The following ABCG4 variants were observed in gnomAD, a reference collection of about 807,000 sequenced individuals.
ABCG4 encodes the protein ATP binding cassette subfamily G member 4, also known as ATP-binding cassette sub-family G member 4.
ABCG4 carries 35 observed loss-of-function variants against 64.6 expected under a neutral mutation model. The ratio of observed to expected loss-of-function variants is 0.54; its 90% CI spans 0.41 to 0.72. The LOEUF is 0.72. Ranked by LOEUF, ABCG4 falls within the 30% of genes least tolerant of loss-of-function variation. ABCG4 has a pLI of 0.00. For synonymous variants in ABCG4, 326 were observed against 348.2 expected (o/e 0.94, Z 0.71); for missense variants, 610 against 846.3 (o/e 0.72, Z 3.46).
In ABCG4 at chr11:119,160,200, A is replaced by T; in HGVS notation, c.1438-27A>T. 3.2e-6 allele frequency: 5 copies of T among 1,586,748 alleles called. No homozygotes were observed. The highest frequency in any genetic ancestry group is 4.3e-6 in the Non-Finnish European group (5 of 1,159,366). ...CTGCTGTGCCCCTGGCTTGAAGTCC[A>T]CTGTCCAGCCCGTGCCCACTCCCCA... is the stretch of plus-strand genomic sequence containing the variant. On this transcript the variant is annotated intron_variant, in intron 12 of 14. Transcript: ENST00000619701. This position sits in a 1 kb window ranked among gnomAD's most constrained non-coding sequence, Gnocchi z 4.6.
chr11:119,153,457 G>T (rs149510277), intron 2 of ABCG4: 1 of 153,046 alleles, frequency 6.5e-6, no homozygotes, highest in African/African-American at 2.4e-5. Flanking sequence ...GAGAACTCAC[G>T]CTCGTGGAAC....
chr11:119,162,660 G>A (rs1156546547), downstream of ABCG4: 4 of 152,246 alleles, frequency 2.6e-5, no homozygotes, highest in Non-Finnish European at 1.5e-5. Context: ...AGTATGCAAT[G>A]TGTAAATGTG....
Position 119,149,796 on chromosome 11 carries a change from C to G in ABCG4, c.-12-158C>G. On this transcript the variant is annotated intron_variant, in intron 1 of 14. Coordinates refer to ENST00000619701, the MANE Select transcript of ABCG4 (RefSeq NM_022169.5). This position sits in a 1 kb window ranked among gnomAD's most constrained non-coding sequence, Gnocchi z 8.3. ...CTGCCCGGGACTGAGCGTCTCCGTGCGGAGAGTGGGGGGCGGGGGCAGAGT... is the reference window on the plus strand; with the variant it reads ...CTGCCCGGGACTGAGCGTCTCCGTGGGGAGAGTGGGGGGCGGGGGCAGAGT... The G allele has an allele frequency of 8.3e-7, 1 of 1,207,330 alleles. No individual in the cohort carries two copies. Among genetic ancestry groups the G allele is most frequent in the Non-Finnish European group, 1.1e-6 (1 of 890,166 alleles). 74.8% of individuals were successfully genotyped at this position (1,207,330 alleles called of 1,614,324 possible). A position where few individuals can be genotyped will look rare whatever the true frequency, so the allele number is the denominator to read the frequency against.
In ABCG4 at chr11:119,158,440, A is replaced by ATGTGCCTGTGGGGTCTC; in HGVS notation, c.1168-106_1168-90dup. 3 of 1,549,520 alleles carry ATGTGCCTGTGGGGTCTC rather than the reference A, an allele frequency of 1.9e-6. No individual in the cohort carries two copies. Among genetic ancestry groups the ATGTGCCTGTGGGGTCTC allele is most frequent in the Non-Finnish European group, 2.7e-6 (3 of 1,122,546 alleles). On this transcript the variant is annotated intron_variant, in intron 10 of 14. Transcript: ENST00000619701. The surrounding 1 kb of genome is among the most constrained non-coding windows in gnomAD (Gnocchi z 4.5). Reference sequence around the variant, plus strand: ...GGGGACCCTCCCTCACAGCCCTGCAATGTGCCTGTGGGGTCTCTGTGCCTG... The same window carrying ATGTGCCTGTGGGGTCTC: ...GGGGACCCTCCCTCACAGCCCTGCAATGTGCCTGTGGGGTCTCTGTGCCTGTGGGGTCTCTGTGCCTG...
chr11:119,161,471 C>A lies in ABCG4; in HGVS notation c.*365C>A. 1 of 193,806 alleles carries A rather than the reference C, an allele frequency of 5.2e-6. No homozygotes were observed. Among genetic ancestry groups the A allele is most frequent in the Non-Finnish European group, 1.1e-5 (1 of 92,956 alleles). 12.0% of individuals were successfully genotyped at this position (193,806 alleles called of 1,614,324 possible). A position where few individuals can be genotyped will look rare whatever the true frequency, so the allele number is the denominator to read the frequency against. ...AGGCTCTCTAGGGCCCCACTTACAA[C>A]TGACCAAAGTGGCCCCCTCTGGGGG... On this transcript the variant is annotated 3_prime_UTR_variant, in exon 15 of 15. Coordinates refer to ENST00000619701, the MANE Select transcript of ABCG4 (RefSeq NM_022169.5).
At chr11:119,153,980 C>G in intron 2 of ABCG4, 46 bp from the exon 3 acceptor site, 1 of 1,553,212 alleles carries the variant, frequency 6.4e-7, no homozygotes, top group Non-Finnish European at 8.9e-7. Flanking sequence ...GGGGGTACCT[C>G]TGTTCACTGC....
chr11:119,151,295 G>A (rs763974488), intron 2 of ABCG4, among the ~76,000 whole-genome samples: 1 of 152,172 alleles, frequency 6.6e-6, no homozygotes, highest in Non-Finnish European at 1.5e-5. Context: ...CTCTCCAGTT[G>A]CTTCCATGTG....
In ABCG4 at chr11:119,154,561, G is replaced by T. The variant is rs759849467; in HGVS notation, c.526G>T (p.Val176Leu). ...ANLKLSEKQE[V>L]KKELVTEILT... ...CCTGAAGCTGAGTGAGAAGCAGGAG[G>T]TGAAGAAGGAGCTGGTGAGTGGGGA... is the stretch of plus-strand genomic sequence containing the variant. Residue 176 changes from valine to leucine, a missense_variant, in exon 5 of 15, where the codon GTG (valine) becomes TTG (leucine). Val to Leu is a conservative substitution (Grantham distance 32). Coordinates refer to ENST00000619701, the MANE Select transcript of ABCG4 (RefSeq NM_022169.5). This position sits in a 1 kb window ranked among gnomAD's most constrained non-coding sequence, Gnocchi z 7.0. 6.2e-7 allele frequency: 1 copy of T among 1,613,580 alleles called. No homozygotes were observed. The highest frequency in any genetic ancestry group is 1.1e-5 in the South Asian group (1 of 91,014).
At position 119,156,025 on chromosome 11, in the gene ABCG4, CCAA is replaced by C. The variant is rs775417869; in HGVS notation, c.687-303_687-301del. The C allele has an allele frequency of 2.8e-6, 1 of 353,950 alleles. No homozygotes were observed. Among genetic ancestry groups the C allele is most frequent in the Non-Finnish European group, 5.3e-6 (1 of 187,522 alleles). The allele number at this position is 353,950 out of a possible 1,614,324, so 21.9% of individuals were successfully genotyped here. ...GTTGCTACAGCACTTTCCACATTAC[CCAA>C]AATCATCTGTGTGCTTGTCTCTCTC... On this transcript the variant is annotated intron_variant, in intron 6 of 14. Transcript: ENST00000619701. This position sits in a 1 kb window ranked among gnomAD's most constrained non-coding sequence, Gnocchi z 5.5.
In ABCG4 at chr11:119,156,038, T is replaced by C. The variant is rs1948259585; in HGVS notation, c.687-291T>C. 7.8e-6 allele frequency: 3 copies of C among 383,714 alleles called. No homozygotes were observed. Among genetic ancestry groups the C allele is most frequent in the Admixed American group, 8.1e-5 (2 of 24,654 alleles). The allele number at this position is 383,714 out of a possible 1,614,324, so 23.8% of individuals were successfully genotyped here. A position where few individuals can be genotyped will look rare whatever the true frequency, so the allele number is the denominator to read the frequency against. On this transcript the variant is annotated intron_variant, in intron 6 of 14. Coordinates refer to ENST00000619701, the MANE Select transcript of ABCG4 (RefSeq NM_022169.5). This position sits in a 1 kb window ranked among gnomAD's most constrained non-coding sequence, Gnocchi z 5.5. ...TTTCCACATTACCCAAAATCATCTG[T>C]GTGCTTGTCTCTCTCTCCTTCCAGA...
rs759467898 is a variant in ABCG4, at chr11:119,154,786, C to T, written c.557C>T (p.Thr186Met). 1.2e-5 allele frequency: 20 copies of T among 1,610,966 alleles called. No individual in the cohort carries two copies. The highest frequency in any genetic ancestry group is 5.5e-5 in the South Asian group (5 of 90,970). Residue 186 changes from threonine (T) to methionine (M), a missense_variant, in exon 6 of 15, where the codon ACG (threonine) becomes ATG (methionine). Coordinates refer to ENST00000619701, the MANE Select transcript of ABCG4 (RefSeq NM_022169.5). The surrounding 1 kb of genome is among the most constrained non-coding windows in gnomAD (Gnocchi z 7.0). ...TGGGGCCAGGTGACAGAGATCCTGA[C>T]GGCACTGGGCCTGATGTCGTGCTCC... is the stretch of plus-strand genomic sequence containing the variant. ...VKKELVTEIL[T>M]ALGLMSCSHT...
At chr11:119,153,236 C>G (rs1948214587) in intron 2 of ABCG4, 1 of 152,830 alleles carries the variant, frequency 6.5e-6, no homozygotes, top group Non-Finnish European at 1.5e-5. Context: ...GGTTAAGCAA[C>G]TTGCCCGAGG....
At position 119,161,252 on chromosome 11, in the gene ABCG4, C is replaced by T. The variant is rs963791920; in HGVS notation, c.*146C>T. ...CTTGGCTCCTCCACAGGCTGGCTGT[C>T]GGACTGCGCTCCCAGCCTGGGCTCT... is the stretch of plus-strand genomic sequence containing the variant. On this transcript the variant is annotated 3_prime_UTR_variant, in exon 15 of 15. Coordinates refer to ENST00000619701, the MANE Select transcript of ABCG4 (RefSeq NM_022169.5). 1.6e-4 allele frequency: 113 copies of T among 711,490 alleles called. 2 individuals are homozygous for T. In the South Asian group the frequency reaches 1.9e-3, roughly 12 times the overall value. The allele number at this position is 711,490 out of a possible 1,614,324, so 44.1% of individuals were successfully genotyped here. A position where few individuals can be genotyped will look rare whatever the true frequency, so the allele number is the denominator to read the frequency against.
chr11:119,160,549 T>A lies in ABCG4; in HGVS notation c.1608T>A (p.Phe536Leu). 6.2e-7 allele frequency: 1 copy of A among 1,611,004 alleles called. No homozygotes were observed. The highest frequency in any genetic ancestry group is 8.5e-7 in the Non-Finnish European group (1 of 1,179,908). Residue 536 changes from phenylalanine (F) to leucine (L), a missense_variant, in exon 14 of 15, where the codon TTT becomes TTA. Phe to Leu is a conservative substitution (Grantham distance 22, BLOSUM62 0). Coordinates refer to ENST00000619701, the MANE Select transcript of ABCG4 (RefSeq NM_022169.5). This position sits in a 1 kb window ranked among gnomAD's most constrained non-coding sequence, Gnocchi z 4.6. ...CCCTTCCCCTCTAGGTGGCCACTTT[T>A]GTGGGCCCAGTTACCGCCATCCCTG... ...AASNSLQVATFVGPVTAIPVL... is the reference protein window; with the variant it reads ...AASNSLQVATLVGPVTAIPVL...
Position 119,149,689 on chromosome 11 carries a change from G to A in ABCG4, c.-12-265G>A. Reference sequence around the variant, plus strand: ...TCCCCAGGGGCTGCTGGCCTGCGGGGTAAGGAGATTAGAGAAGCCGCCGGG... The same window carrying A: ...TCCCCAGGGGCTGCTGGCCTGCGGGATAAGGAGATTAGAGAAGCCGCCGGG... On this transcript the variant is annotated intron_variant, in intron 1 of 14. Coordinates refer to ENST00000619701, the MANE Select transcript of ABCG4 (RefSeq NM_022169.5). The surrounding 1 kb of genome is among the most constrained non-coding windows in gnomAD (Gnocchi z 8.3). 2 of 532,216 alleles carry A rather than the reference G, an allele frequency of 3.8e-6. No individual in the cohort carries two copies. Among genetic ancestry groups the A allele is most frequent in the Admixed American group, 3.2e-5 (1 of 31,562 alleles). 33.0% of individuals were successfully genotyped at this position (532,216 alleles called of 1,614,324 possible).
chr11:119,156,547 T>C lies in ABCG4; in HGVS notation c.811-17T>C, dbSNP rs769546546. ...CTGGCCCGCTGTTCCTTCCTTACCC[T>C]TCTCTTTCTGCTGCAGCTCTACATC... On this transcript the variant is annotated splice_polypyrimidine_tract_variant and intron_variant, in intron 7 of 14. Transcript: ENST00000619701. The surrounding 1 kb of genome is among the most constrained non-coding windows in gnomAD (Gnocchi z 5.5). The C allele has an allele frequency of 2.6e-5, 42 of 1,614,116 alleles. No individual in the cohort carries two copies. The highest frequency in any genetic ancestry group is 2.7e-5 in the Non-Finnish European group (32 of 1,179,994).
chr11:119,151,301 A>T (rs1398705818), intron 2 of ABCG4, among the ~76,000 whole-genome samples: 1 of 152,154 alleles, frequency 6.6e-6, no homozygotes, highest in Non-Finnish European at 1.5e-5. Context: ...AGTTGCTTCC[A>T]TGTGCCAGCC....
intron 2 of ABCG4, among the ~76,000 whole-genome samples, chr11:119,152,675 C>T (rs1948208180): frequency 1.3e-5 from 2 of 152,222 alleles, no homozygotes; most frequent in South Asian, 4.1e-4. Context: ...GTAGGCTCTG[C>T]CCTCTGTTCC....
intron 9 of ABCG4, among the ~76,000 whole-genome samples, chr11:119,157,491 AC>A (rs2135125800): frequency 6.6e-6 from 1 of 152,302 alleles, no homozygotes; most frequent in African/African-American, 2.4e-5. Flanking sequence ...AGACACTGTA[AC>A]CCCTGAAAAC....
Sources: gnomAD v4.1 joint callset for allele counts (sites outside exome capture counted in the v4.1 genomes callset) on GRCh38, gnomAD v4.1.1 for gene constraint, Gnocchi (gnomAD v3.1) non-coding constraint, MANE v1.5 for transcripts, NCBI Gene and HGNC (gene_info 2026-07-23, HGNC 2026-07-21) for gene names.